Variants in EIF4B observed in about 807,000 individuals in gnomAD.
The protein encoded by EIF4B is eukaryotic translation initiation factor 4B.
In EIF4B, 8 loss-of-function variants were observed where a neutral mutation model predicts 79.3. The ratio of observed to expected loss-of-function variants is 0.10; its 90% CI spans 0.06 to 0.18. The LOEUF is 0.18. EIF4B is among the 10% of genes least tolerant of loss of function. EIF4B has a pLI of 1.00. For missense variants in EIF4B, 515 were observed against 792.4 expected, an observed-to-expected ratio of 0.65 and a Z score of 4.20; for synonymous variants, 238 against 274.7, an observed-to-expected ratio of 0.87 and a Z score of 1.32.
In EIF4B at chr12:53,040,265, T is replaced by C; in HGVS notation, c.*42T>C. ...CTTTTCTCCTAGTTTCTCTCCACCCTGGAACATTCGAGAGCAAATCAAAAC... is the reference window on the plus strand; with the variant it reads ...CTTTTCTCCTAGTTTCTCTCCACCCCGGAACATTCGAGAGCAAATCAAAAC... On this transcript the variant is annotated 3_prime_UTR_variant, in exon 15 of 15. Transcript: ENST00000262056. 6.5e-7 allele frequency: 1 copy of C among 1,542,888 alleles called. No homozygotes were observed. Among genetic ancestry groups the C allele is most frequent in the Non-Finnish European group, 8.9e-7 (1 of 1,118,234 alleles).
intron 2 of EIF4B, 59 bp downstream of exon 2, chr12:53,016,669 TA>T: frequency 6.6e-7 from 1 of 1,512,984 alleles, no homozygotes; most frequent in Non-Finnish European, 8.8e-7. Context: ...CAAAACCTAT[TA>T]CATAATAATT....
chr12:53,012,064 T>A (rs1398730299), intron 1 of EIF4B: 2 of 152,196 alleles, frequency 1.3e-5, no homozygotes, highest in Non-Finnish European at 2.9e-5. Flanking sequence ...CATGGAGGAT[T>A]TAGATAACAT....
At position 53,039,619 on chromosome 12, in the gene EIF4B, C is replaced by T. The variant is rs79366715; in HGVS notation, c.1683-11C>T. On this transcript the variant is annotated splice_polypyrimidine_tract_variant and intron_variant, in intron 13 of 14. Coordinates refer to ENST00000262056, the MANE Select transcript of EIF4B (RefSeq NM_001417.7). ...TCCTAAAGACATGGTTTTATGCTTA[C>T]GTCTCTGCAGGAAAGATGGCAAAAA... The T allele has an allele frequency of 3.1e-4, 506 of 1,613,514 alleles. 2 individuals are homozygous for T. The East Asian group carries it at 7.7e-3, about 24-fold the overall frequency.
intron 3 of EIF4B, among the ~76,000 whole-genome samples, chr12:53,019,271 C>T (rs1308763307): frequency 1.3e-5 from 2 of 151,690 alleles, no homozygotes; most frequent in South Asian, 2.1e-4. Context: ...TGGTGGTACA[C>T]GTCTGTAATC....
intron 10 of EIF4B, 138 bp downstream of exon 10, chr12:53,034,847 A>G (rs1943510640): frequency 9.3e-6 from 8 of 857,402 alleles, no homozygotes; most frequent in South Asian, 6.6e-5. Flanking sequence ...TTGGAGTTTC[A>G]TATCTTCTGC....
intron 7 of EIF4B, 43 bp downstream of exon 7, chr12:53,027,962 CTT>C (rs59856997): frequency 6.6e-5 from 104 of 1,583,412 alleles, no homozygotes; most frequent in Middle Eastern, 1.7e-4. Flanking sequence ...GTAACTTTGC[CTT>C]TTTTTTTTCC....
At chr12:53,012,596 CCTTTTTTTTTTT>C in intron 1 of EIF4B, among the ~76,000 whole-genome samples, 1 of 149,272 alleles carries the variant, frequency 6.7e-6, no homozygotes, top group Admixed American at 6.7e-5. Context: ...TTTTTTTTTT[CCTTTTTTTTTTT>C]TTCTTTTTTT....
At chr12:53,024,497 A>G (rs1565588342) in intron 6 of EIF4B, among the ~76,000 whole-genome samples, 1 of 152,318 alleles carries the variant, frequency 6.6e-6, no homozygotes, top group South Asian at 2.1e-4. Context: ...AGTCTGTAAC[A>G]TATTTCTTTT....
At chr12:53,016,713 AT>A in intron 2 of EIF4B, 103 bp downstream of exon 2, 1 of 1,426,554 alleles carries the variant, frequency 7.0e-7, no homozygotes, top group Non-Finnish European at 9.3e-7. Context: ...GAACTTACTC[AT>A]TTTTTAGCAC....
rs777627760 is a variant in EIF4B, at chr12:53,006,483, C to G, written c.-1C>G. 1.2e-6 allele frequency: 2 copies of G among 1,613,604 alleles called. No individual in the cohort carries two copies. The highest frequency in any genetic ancestry group is 1.7e-6 in the Non-Finnish European group (2 of 1,180,036). On this transcript the variant is annotated 5_prime_UTR_variant, in exon 1 of 15. Coordinates refer to ENST00000262056, the MANE Select transcript of EIF4B (RefSeq NM_001417.7). Reference sequence around the variant, plus strand: ...TTTGCGTTCTCTTTCCCTCTCCCAACATGGCGGCCTCAGGTGAGCGAGCAG... The same window carrying G: ...TTTGCGTTCTCTTTCCCTCTCCCAAGATGGCGGCCTCAGGTGAGCGAGCAG...
intron 2 of EIF4B, among the ~76,000 whole-genome samples, chr12:53,017,658 C>A (rs748854038): frequency 5.3e-5 from 8 of 152,128 alleles, no homozygotes; most frequent in Non-Finnish European, 1.0e-4. Context: ...AAGTGGCGCA[C>A]TCTCTGCTCA....
At chr12:53,011,394 A>G (rs2120886422) in intron 1 of EIF4B, among the ~76,000 whole-genome samples, 1 of 152,222 alleles carries the variant, frequency 6.6e-6, no homozygotes, top group Non-Finnish European at 1.5e-5. Context: ...TTATCTTTTT[A>G]TTTATTGAAG....
rs773879101 is a variant in EIF4B at position 53,039,635 on chromosome 12, A to G, written c.1688A>G (p.Asp563Gly). ...TTATGCTTACGTCTCTGCAGGAAAG[A>G]TGGCAAAAAGGATCAAGACTCCAGA... is the stretch of plus-strand genomic sequence containing the variant. ...RDHWKESDRK[D>G]GKKDQDSRSA... Residue 563 changes from aspartate (D) to glycine (G), a missense_variant, in exon 14 of 15, where the codon GAT becomes GGT. Around this residue, in one of 6 missense-constraint regions of EIF4B, gnomAD observed 60 missense variants for 56.7 expected, o/e 1.06. Transcript: ENST00000262056. 2 of 1,613,860 alleles carry G rather than the reference A, an allele frequency of 1.2e-6. No individual in the cohort carries two copies. Among genetic ancestry groups the G allele is most frequent in the Non-Finnish European group, 1.7e-6 (2 of 1,179,816 alleles).
intron 5 of EIF4B, 96 bp downstream of exon 5, chr12:53,021,956 C>T: frequency 1.4e-6 from 2 of 1,404,504 alleles, no homozygotes; most frequent in Admixed American, 3.6e-5. Context: ...AGTGGTGGGC[C>T]TGCCTGAATC....
At chr12:53,019,526 C>T (rs1002952217) in intron 3 of EIF4B, among the ~76,000 whole-genome samples, 4 of 124,110 alleles carry the variant, frequency 3.2e-5, no homozygotes, top group Non-Finnish European at 6.5e-5. Flanking sequence ...GATTACATGC[C>T]CAGCTAATTT....
At chr12:53,022,927 G>A (rs1943270938) in intron 6 of EIF4B, among the ~76,000 whole-genome samples, 1 of 152,126 alleles carries the variant, frequency 6.6e-6, no homozygotes, top group Non-Finnish European at 1.5e-5. Flanking sequence ...GCTTTGGGAG[G>A]TCAAGGCAGG....
At chr12:53,029,344 G>A (rs1184144459) in intron 8 of EIF4B, among the ~76,000 whole-genome samples, 1 of 151,226 alleles carries the variant, frequency 6.6e-6, no homozygotes, top group African/African-American at 2.4e-5. Context: ...TATGGTATCT[G>A]GCCCAGAATT....
intron 12 of EIF4B, chr12:53,038,970 A>G: frequency 5.8e-6 from 2 of 343,790 alleles, no homozygotes; most frequent in South Asian, 4.4e-5. Flanking sequence ...AGGTCACTAC[A>G]GAGCGTCATA....
chr12:53,013,806 A>G (rs1203880142), intron 1 of EIF4B: 1 of 151,872 alleles, frequency 6.6e-6, no homozygotes, highest in Non-Finnish European at 1.5e-5. Context: ...AAACCTTTGC[A>G]TATGAGCTGC....
Sources: allele counts gnomAD v4.1 joint callset (sites outside exome capture counted in the v4.1 genomes callset), GRCh38; gene constraint gnomAD v4.1.1; regional missense constraint gnomAD v4.1.1; transcripts MANE v1.5; gene names NCBI Gene and HGNC (gene_info 2026-07-23, HGNC 2026-07-21).